Variants in CHRNA5 observed in about 807,000 individuals in gnomAD.
CHRNA5 encodes the protein cholinergic receptor nicotinic alpha 5 subunit, also known as neuronal acetylcholine receptor subunit alpha-5.
In CHRNA5, 28 loss-of-function variants were observed where a neutral mutation model predicts 41.2. The ratio of observed to expected loss-of-function variants is 0.68; its 90% CI spans 0.50 to 0.93. The LOEUF is 0.93. CHRNA5 is among the 40% of genes least tolerant of loss of function. The pLI is 0.00. For missense variants in CHRNA5, 481 were observed against 581.9 expected (o/e 0.83, Z 1.78); for synonymous variants, 188 against 205.8 (o/e 0.91, Z 0.74).
intron 3 of CHRNA5, among the ~76,000 whole-genome samples, chr15:78,587,348 G>C (rs747437842): frequency 1.3e-5 from 2 of 152,126 alleles, no homozygotes; most frequent in African/African-American, 2.4e-5. Flanking sequence ...AAAAATGGTG[G>C]TCAGAGAAAA....
chr15:78,566,611 A>T (rs898616792), intron 1 of CHRNA5, among the ~76,000 whole-genome samples: 2 of 152,230 alleles, frequency 1.3e-5, no homozygotes, highest in East Asian at 1.9e-4. Context: ...GCAAGATATG[A>T]TTACAGAAGT....
intron 1 of CHRNA5, among the ~76,000 whole-genome samples, chr15:78,567,128 C>CT (rs2052757577): frequency 6.6e-6 from 1 of 151,948 alleles, no homozygotes; most frequent in Non-Finnish European, 1.5e-5. Context: ...TGGTGCGCGC[C>CT]TGTAGTCCCA....
intron 1 of CHRNA5, among the ~76,000 whole-genome samples, chr15:78,567,477 A>G (rs2052760778): frequency 2.0e-5 from 3 of 152,164 alleles, no homozygotes; most frequent in Admixed American, 1.3e-4. Context: ...GTAAATAGCT[A>G]TCTCCCTTCA....
intron 1 of CHRNA5, among the ~76,000 whole-genome samples, chr15:78,573,963 ATTTTTTTTTTT>A (rs979485573): frequency 9.8e-5 from 10 of 102,072 alleles, no homozygotes; most frequent in East Asian, 2.7e-4. Flanking sequence ...CGCCTGGCTA[ATTTTTTTTTTT>A]TTTTTTTTTT....
exon 6 of CHRNA5, chr15:78,593,295 T>C (rs1320922343): frequency 6.6e-7 from 1 of 1,521,408 alleles, no homozygotes; most frequent in African/African-American, 1.4e-5. Flanking sequence ...TTAACACACA[T>C]ATATCTGATG....
chr15:78,581,887 A>C (rs2052916011), intron 2 of CHRNA5, among the ~76,000 whole-genome samples: 1 of 152,192 alleles, frequency 6.6e-6, no homozygotes. Flanking sequence ...CATACTCTCC[A>C]AATATAATTT....
chr15:78,582,874 C>T (rs2052926035), intron 2 of CHRNA5, among the ~76,000 whole-genome samples: 1 of 152,126 alleles, frequency 6.6e-6, no homozygotes, highest in South Asian at 2.1e-4. Flanking sequence ...GAGGAGAATC[C>T]CTGCATGCCA....
chr15:78,593,260 C>T (rs1436091688), exon 6 of CHRNA5: 2 of 1,605,368 alleles, frequency 1.2e-6, no homozygotes, highest in Non-Finnish European at 1.7e-6. Context: ...GTGAAGCCTC[C>T]CAAGGGACTG....
At chr15:78,586,926 C>T (rs1178930939) in intron 3 of CHRNA5, among the ~76,000 whole-genome samples, 2 of 152,154 alleles carry the variant, frequency 1.3e-5, no homozygotes, top group Non-Finnish European at 2.9e-5. Context: ...TATGGGGAAA[C>T]AGCAGTGAAC....
intron 1 of CHRNA5, among the ~76,000 whole-genome samples, chr15:78,578,889 C>T (rs1353834422): frequency 6.6e-6 from 1 of 152,146 alleles, no homozygotes. Context: ...TTATACATTT[C>T]ACATTTCCTT....
In CHRNA5 at chr15:78,588,325, T is replaced by C. The variant is rs910242839; in HGVS notation, c.315T>C (p.Asp105=). The C allele has an allele frequency of 1.9e-6, 3 of 1,561,834 alleles. No individual in the cohort carries two copies. The highest frequency in any genetic ancestry group is 1.2e-5 in the South Asian group (1 of 85,488). ...TCTTTGTTTTAAAGGAATGGATAGATGTAAAATTAAGATGGAACCCTGATG... is the reference window on the plus strand; with the variant it reads ...TCTTTGTTTTAAAGGAATGGATAGACGTAAAATTAAGATGGAACCCTGATG... Residue 105 remains aspartate, a synonymous_variant, in exon 4 of 6, where the codon GAT becomes GAC. Transcript: ENST00000299565. This position sits in a 1 kb window ranked among gnomAD's most constrained non-coding sequence, Gnocchi z 4.1.
intron 1 of CHRNA5, among the ~76,000 whole-genome samples, chr15:78,566,922 C>G (rs1172930666): frequency 1.3e-5 from 2 of 152,168 alleles, no homozygotes; most frequent in East Asian, 3.9e-4. Context: ...CTGGTGCATC[C>G]TGACTGGACG....
chr15:78,588,599 G>A lies in CHRNA5; in HGVS notation c.413+176G>A, dbSNP rs1263409857. On this transcript the variant is annotated intron_variant, in intron 4 of 5. Coordinates refer to ENST00000299565, the Ensembl canonical transcript of CHRNA5. The surrounding 1 kb of genome is among the most constrained non-coding windows in gnomAD (Gnocchi z 4.1). ...ATAGATGAGGAAACAGAGGCTTAGG[G>A]TGGTTGTTCTTTTCCAAGATCACAG... 6.6e-6 allele frequency among the ~76,000 whole-genome samples: 1 copy of A among 152,190 alleles called. No homozygotes were observed. Among genetic ancestry groups the A allele is most frequent in the Non-Finnish European group, 1.5e-5 (1 of 68,030 alleles).
At chr15:78,572,349 A>G (rs2052813480) in intron 1 of CHRNA5, among the ~76,000 whole-genome samples, 1 of 152,228 alleles carries the variant, frequency 6.6e-6, no homozygotes, top group Non-Finnish European at 1.5e-5. Context: ...ACTGAAGACT[A>G]TAAATGCCAA....
At position 78,568,395 on chromosome 15, in the gene CHRNA5, A is replaced by G. The variant is rs573010618; in HGVS notation, c.106+2570A>G. Among the ~76,000 whole-genome samples, 7 of 152,094 alleles carry G rather than the reference A, an allele frequency of 4.6e-5. 1 individual carries two copies. In the South Asian group the frequency reaches 1.5e-3, roughly 32 times the overall value. ...TACCTAACTAGTTATATTTCTTACT[A>G]TTTCTTAGCTATGTGACATTTTAAA... On this transcript the variant is annotated intron_variant, in intron 1 of 5. Transcript: ENST00000299565.
intron 1 of CHRNA5, among the ~76,000 whole-genome samples, chr15:78,567,574 A>G (rs1336129067): frequency 1.3e-5 from 2 of 152,198 alleles, no homozygotes; most frequent in Non-Finnish European, 2.9e-5. Flanking sequence ...CATAATAACC[A>G]TCTGGTTCTA....
At chr15:78,565,753 C>T in exon 1 of CHRNA5, 1 of 1,207,588 alleles carries the variant, frequency 8.3e-7, no homozygotes, top group African/African-American at 1.6e-5. Flanking sequence ...CCGCGCGCTC[C>T]GCCTGCTGCT....
At chr15:78,579,040 CTT>C (rs34178407) in intron 1 of CHRNA5, among the ~76,000 whole-genome samples, 13 of 141,208 alleles carry the variant, frequency 9.2e-5, no homozygotes, top group East Asian at 6.2e-4. Flanking sequence ...TATATTTTGA[CTT>C]TTTTTTTTTT....
chr15:78,579,316 C>A (rs939412355), intron 1 of CHRNA5, among the ~76,000 whole-genome samples: 4 of 152,158 alleles, frequency 2.6e-5, no homozygotes, highest in African/African-American at 9.7e-5. Flanking sequence ...TGCAGTGGCA[C>A]AATCTCGGCT....
Sources: allele counts gnomAD v4.1 joint callset (sites outside exome capture counted in the v4.1 genomes callset), GRCh38; gene constraint gnomAD v4.1.1; non-coding constraint Gnocchi (gnomAD v3.1); transcripts MANE v1.5; gene names NCBI Gene and HGNC (gene_info 2026-07-23, HGNC 2026-07-21).